SPRY3: variants seen among roughly 807,000 people sequenced by gnomAD.
SPRY3 encodes the protein protein sprouty homolog 3.
SPRY3 carries 15 observed loss-of-function variants against 20.2 expected under a neutral mutation model. The observed-to-expected ratio is 0.74, with a 90% CI of 0.50 to 1.14. The LOEUF is 1.14. Ranked by LOEUF, SPRY3 falls within the 50% of genes most tolerant of loss-of-function variation. SPRY3 has a pLI of 0.00. For missense variants in SPRY3, 364 were observed against 363.9 expected (o/e 1.00, Z 0.00); for synonymous variants, 143 against 136.5 (o/e 1.05, Z -0.33).
intron 1 of SPRY3, among the ~76,000 whole-genome samples, chrX:155,623,561 T>C (rs186798435): frequency 6.2e-5 from 7 of 112,125 alleles, no homozygotes; most frequent in Admixed American, 5.7e-4. Context: ...CAAAATATTA[T>C]GAACAATTTT....
intron 2 of SPRY3, among the ~76,000 whole-genome samples, chrX:155,737,297 C>G (rs2091176188): frequency 6.6e-6 from 1 of 151,964 alleles, no homozygotes; most frequent in African/African-American, 2.4e-5. Context: ...CATGTGTTTG[C>G]TAGCAAATAT....
At chrX:155,781,215 A>G (rs189469495), downstream of SPRY3, 1 of 166,936 alleles carries the variant, frequency 6.0e-6, no homozygotes, top group African/African-American at 2.4e-5. Context: ...CTTCTAGGAC[A>G]TGCTCCATAG....
At chrX:155,670,083 T>C (rs1192082826) in intron 2 of SPRY3, 6 of 111,929 alleles carry the variant, frequency 5.4e-5, no homozygotes, top group Non-Finnish European at 9.4e-5. Flanking sequence ...ATAGTTTTTC[T>C]TACTATCCCC....
At chrX:155,728,982 C>T (rs1033502532) in intron 2 of SPRY3, among the ~76,000 whole-genome samples, 2 of 152,040 alleles carry the variant, frequency 1.3e-5, no homozygotes, top group African/African-American at 2.4e-5. Context: ...AAGAAAGACA[C>T]TATATAATGA....
chrX:155,748,479 G>A (rs755896085), intron 2 of SPRY3, among the ~76,000 whole-genome samples: 1 of 151,814 alleles, frequency 6.6e-6, no homozygotes, highest in East Asian at 1.9e-4. Flanking sequence ...GCAGAAACCT[G>A]GAATAACCCC....
chrX:155,652,858 C>G (rs782590220), intron 1 of SPRY3, among the ~76,000 whole-genome samples: 1 of 111,860 alleles, frequency 8.9e-6, no homozygotes, highest in East Asian at 2.8e-4. Flanking sequence ...TTCAGTTTAT[C>G]TACATTCTCA....
intron 2 of SPRY3, among the ~76,000 whole-genome samples, chrX:155,723,440 A>G (rs1243790783): frequency 6.6e-6 from 1 of 152,114 alleles, no homozygotes; most frequent in Non-Finnish European, 1.5e-5. Context: ...CCTCTCCAGC[A>G]TCTTTTGTTT....
chrX:155,775,965 G>C (rs2091422709), exon 4 of SPRY3: 1 of 167,112 alleles, frequency 6.0e-6, no homozygotes, highest in Non-Finnish European at 1.5e-5. Context: ...CCTGGAGGTA[G>C]GAAGGGACTT....
chrX:155,773,678 T>A, intron 3 of SPRY3, 88 bp from the exon 3 acceptor site: 1 of 620,662 alleles, frequency 1.6e-6, no homozygotes. Context: ...AAGGTAGTGG[T>A]GGTGATAGGG....
intron 1 of SPRY3, among the ~76,000 whole-genome samples, chrX:155,647,628 A>T (rs1420077215): frequency 9.0e-6 from 1 of 111,668 alleles, no homozygotes; most frequent in Non-Finnish European, 1.9e-5. Context: ...CCTGCAAAGG[A>T]CATGAACTCA....
intron 2 of SPRY3, among the ~76,000 whole-genome samples, chrX:155,703,762 A>G (rs1292685096): frequency 6.6e-6 from 1 of 151,096 alleles, no homozygotes; most frequent in African/African-American, 2.4e-5. Flanking sequence ...TAGTGCAATA[A>G]ATTTCCCTCT....
At chrX:155,704,662 A>C (rs2090936766) in intron 2 of SPRY3, among the ~76,000 whole-genome samples, 1 of 151,702 alleles carries the variant, frequency 6.6e-6, no homozygotes, top group Non-Finnish European at 1.5e-5. Context: ...CAAATTGCAT[A>C]CCCAAGCTCA....
chrX:155,762,202 A>T (rs2091306797), intron 2 of SPRY3, among the ~76,000 whole-genome samples: 1 of 152,172 alleles, frequency 6.6e-6, no homozygotes, highest in Non-Finnish European at 1.5e-5. Context: ...TCTGCCACTA[A>T]CTTGGTATTT....
intron 1 of SPRY3, among the ~76,000 whole-genome samples, chrX:155,637,357 G>T (rs1569562426): frequency 9.0e-6 from 1 of 111,123 alleles, no homozygotes. Context: ...GTTATGCTCT[G>T]TGATGTTGAG....
chrX:155,717,820 G>A (rs2091032976), intron 2 of SPRY3, among the ~76,000 whole-genome samples: 1 of 152,078 alleles, frequency 6.6e-6, no homozygotes, highest in Non-Finnish European at 1.5e-5. Flanking sequence ...GGGCATTTGG[G>A]TCGGTTCCAA....
At chrX:155,707,437 A>G (rs917867465) in intron 2 of SPRY3, among the ~76,000 whole-genome samples, 2 of 151,326 alleles carry the variant, frequency 1.3e-5, no homozygotes, top group African/African-American at 4.8e-5. Context: ...TTGCTTCAAT[A>G]AAATGTGTAT....
Position 155,736,428 on chromosome X carries a change from C to T in SPRY3, c.-281-31534C>T, listed in dbSNP as rs186273529. Among the ~76,000 whole-genome samples the T allele has an allele frequency of 1.8e-4, 28 of 151,904 alleles. No individual in the cohort carries two copies. The East Asian group carries it at 5.4e-3, about 29-fold the overall frequency. ...TTGTATGAGAAAGTCTTTATTTCTC[C>T]TTCACTTTGAAGGACAGTTTAATTG... is the stretch of plus-strand genomic sequence containing the variant. On this transcript the variant is annotated intron_variant, in intron 2 of 3. Transcript: ENST00000675360.
At chrX:155,619,887 A>G (rs1229136894) in intron 1 of SPRY3, among the ~76,000 whole-genome samples, 1 of 111,842 alleles carries the variant, frequency 8.9e-6, no homozygotes, top group Non-Finnish European at 1.9e-5. Flanking sequence ...AGATTTAAAC[A>G]TATACTTACA....
chrX:155,767,907 T>G (rs920468341), intron 2 of SPRY3, 55 bp from the exon 2 acceptor site: 1 of 148,702 alleles, frequency 6.7e-6, no homozygotes, highest in African/African-American at 2.5e-5. Flanking sequence ...CCCCGTTTTT[T>G]TGTTTTGTTT....
Sources: allele counts gnomAD v4.1 joint callset (sites outside exome capture counted in the v4.1 genomes callset), GRCh38; gene constraint gnomAD v4.1.1; transcripts MANE v1.5; gene names NCBI Gene and HGNC (gene_info 2026-07-23, HGNC 2026-07-21).